WDR25: variants seen among roughly 807,000 people sequenced by gnomAD.
WDR25 encodes the protein WD repeat domain 25.
WDR25 carries 35 observed loss-of-function variants against 47.7 expected under a neutral mutation model. That is an observed-to-expected ratio of 0.73 (90% confidence interval 0.56 to 0.97). WDR25 has a LOEUF of 0.97. Ranked by LOEUF, WDR25 falls within the 50% of genes least tolerant of loss-of-function variation. WDR25 has a pLI of 0.00. For missense variants in WDR25, 634 were observed against 704.7 expected (o/e 0.90, Z 1.14); for synonymous variants, 248 against 278.9 (o/e 0.89, Z 1.10).
chr14:100,452,384 G>A (rs1212700264), intron 2 of WDR25, among the ~76,000 whole-genome samples: 1 of 152,202 alleles, frequency 6.6e-6, no homozygotes, highest in African/African-American at 2.4e-5. Context: ...CAACAAATAA[G>A]CAAATAAATA....
intron 2 of WDR25, among the ~76,000 whole-genome samples, chr14:100,382,980 C>T (rs1275823260): frequency 6.6e-6 from 1 of 152,234 alleles, no homozygotes; most frequent in Non-Finnish European, 1.5e-5. Flanking sequence ...CTTGTTTCCT[C>T]AGAGTTCTGG....
At chr14:100,436,629 G>C (rs1011785674) in intron 2 of WDR25, among the ~76,000 whole-genome samples, 5 of 152,206 alleles carry the variant, frequency 3.3e-5, no homozygotes, top group Non-Finnish European at 5.9e-5. Flanking sequence ...TGAGTCAGGT[G>C]TTCGGTGTCT....
intron 2 of WDR25, among the ~76,000 whole-genome samples, chr14:100,429,276 C>T (rs1478959415): frequency 6.6e-6 from 1 of 152,192 alleles, no homozygotes; most frequent in African/African-American, 2.4e-5. Flanking sequence ...GCAGCAGAGG[C>T]CAGCCTGCCG....
intron 2 of WDR25, among the ~76,000 whole-genome samples, chr14:100,434,347 G>A (rs1898435087): frequency 6.6e-6 from 1 of 152,128 alleles, no homozygotes; most frequent in East Asian, 1.9e-4. Flanking sequence ...AGTGAAACCT[G>A]GCTTCCTGGT....
chr14:100,506,210 C>T lies in WDR25; in HGVS notation c.1102-19660C>T, dbSNP rs964728400. ...ATTAATTTGCTTAGGAAAATGGTCT[C>T]CAACTTCATCCGTGTTGCTGCAAAG... On this transcript the variant is annotated intron_variant, in intron 4 of 6. Transcript: ENST00000402312. This position sits in a 1 kb window ranked among gnomAD's most constrained non-coding sequence, Gnocchi z 4.8. Among the ~76,000 whole-genome samples the T allele has an allele frequency of 1.3e-5, 2 of 152,212 alleles. No individual in the cohort carries two copies. Among genetic ancestry groups the T allele is most frequent in the Non-Finnish European group, 2.9e-5 (2 of 68,038 alleles).
chr14:100,530,011 C>T lies in WDR25; in HGVS notation c.1605C>T (p.Ser535=), dbSNP rs780273967. 3 of 1,612,980 alleles carry T rather than the reference C, an allele frequency of 1.9e-6. No homozygotes were observed. The African/African-American group carries it at 4.0e-5, about 22-fold the overall frequency. ...PVLPSVLATC[S]WGGDMKIWH ...TGCCCTCCGTCCTCGCCACCTGCTC[C>T]TGGGGAGGGGACATGAAGATCTGGC... is the stretch of plus-strand genomic sequence containing the variant. The change falls in exon 7 of 7, where the codon TCC becomes TCT. Residue 535 remains serine, a synonymous_variant. Coordinates refer to ENST00000402312, the MANE Select transcript of WDR25 (RefSeq NM_001161476.3).
At chr14:100,417,632 T>C (rs1274034767) in intron 2 of WDR25, among the ~76,000 whole-genome samples, 4 of 152,208 alleles carry the variant, frequency 2.6e-5, no homozygotes, top group African/African-American at 7.2e-5. Flanking sequence ...ATGGGGGTGC[T>C]AGAGACCGAG....
chr14:100,509,608 C>A (rs748170446), intron 4 of WDR25, among the ~76,000 whole-genome samples: 1 of 152,144 alleles, frequency 6.6e-6, no homozygotes, highest in Non-Finnish European at 1.5e-5. Context: ...ATAAGCTGCA[C>A]ATATTCAAAA....
At chr14:100,497,729 C>T (rs892200628) in intron 4 of WDR25, among the ~76,000 whole-genome samples, 4 of 152,120 alleles carry the variant, frequency 2.6e-5, no homozygotes, top group African/African-American at 9.7e-5. Flanking sequence ...TTGAATTTCC[C>T]TTCTTTTTGG....
At chr14:100,513,913 T>C (rs1239176555) in intron 4 of WDR25, among the ~76,000 whole-genome samples, 1 of 152,010 alleles carries the variant, frequency 6.6e-6, no homozygotes, top group East Asian at 1.9e-4. Flanking sequence ...ATTTTAATTA[T>C]TGTTAGCATG....
At chr14:100,436,152 C>G (rs1412920420) in intron 2 of WDR25, among the ~76,000 whole-genome samples, 1 of 152,192 alleles carries the variant, frequency 6.6e-6, no homozygotes, top group African/African-American at 2.4e-5. Flanking sequence ...ATGTCTGGAG[C>G]TTTGCTAACA....
chr14:100,457,956 A>G lies in WDR25; in HGVS notation c.823-10065A>G, dbSNP rs143052073. On this transcript the variant is annotated intron_variant, in intron 2 of 6. Coordinates refer to ENST00000402312, the MANE Select transcript of WDR25 (RefSeq NM_001161476.3). Reference sequence around the variant, plus strand: ...TATAAGTCTAACAATGGGAGATAAAATAACAAAAGATATTCAATGCAAAAG... The same window carrying G: ...TATAAGTCTAACAATGGGAGATAAAGTAACAAAAGATATTCAATGCAAAAG... Among the ~76,000 whole-genome samples, 686 of 152,334 alleles carry G rather than the reference A, an allele frequency of 4.5e-3. 4 individuals carry two copies. The highest frequency in any genetic ancestry group is 0.016 in the African/African-American group (668 of 41,576).
chr14:100,509,897 A>G (rs955662791), intron 4 of WDR25, among the ~76,000 whole-genome samples: 1 of 152,122 alleles, frequency 6.6e-6, no homozygotes, highest in Non-Finnish European at 1.5e-5. Context: ...CTCTGTGGAA[A>G]TCAATTGGCT....
intron 4 of WDR25, among the ~76,000 whole-genome samples, chr14:100,507,087 G>A (rs1022227483): frequency 1.3e-5 from 2 of 152,160 alleles, no homozygotes; most frequent in Admixed American, 1.3e-4. Flanking sequence ...TTTGTATATG[G>A]TGAAAGGCAG....
At chr14:100,378,392 C>G (rs535188860) in intron 1 of WDR25, among the ~76,000 whole-genome samples, 1 of 152,094 alleles carries the variant, frequency 6.6e-6, no homozygotes, top group African/African-American at 2.4e-5. Context: ...TGGTCTCGAA[C>G]TCGACCTCAG....
At position 100,430,151 on chromosome 14, in the gene WDR25, GGTGTGTGTGTGTGTGT is replaced by G. The variant is rs59318813; in HGVS notation, c.823-37851_823-37836del. Among the ~76,000 whole-genome samples the G allele has an allele frequency of 2.7e-5, 4 of 146,890 alleles. No homozygotes were observed. The East Asian group carries it at 6.0e-4, about 22-fold the overall frequency. On this transcript the variant is annotated intron_variant, in intron 2 of 6. Coordinates refer to ENST00000402312, the MANE Select transcript of WDR25 (RefSeq NM_001161476.3). This position sits in a 1 kb window ranked among gnomAD's most constrained non-coding sequence, Gnocchi z 4.7. Reference sequence around the variant, plus strand: ...CAAATCTTGCAGACCAAGGGGGCCTGGTGTGTGTGTGTGTGTGTGTGTGTGTGTGTGTGTTCCCGGG... The same window carrying G: ...CAAATCTTGCAGACCAAGGGGGCCTGGTGTGTGTGTGTGTGTGTTCCCGGG...
Position 100,468,177 on chromosome 14 carries a change from CT to C in WDR25, c.970+11del. ...AACAGACCTTGAAACAGGTGCGTTT[CT>C]TGTGTCACCTCCCTGAGGTGAGCTG... On this transcript the variant is annotated intron_variant, in intron 3 of 6. Coordinates refer to ENST00000402312, the MANE Select transcript of WDR25 (RefSeq NM_001161476.3). The surrounding 1 kb of genome is among the most constrained non-coding windows in gnomAD (Gnocchi z 4.5). The C allele has an allele frequency of 6.2e-7, 1 of 1,608,904 alleles. No homozygotes were observed. The highest frequency in any genetic ancestry group is 8.5e-7 in the Non-Finnish European group (1 of 1,177,620).
At chr14:100,390,712 C>T (rs982889956) in intron 2 of WDR25, among the ~76,000 whole-genome samples, 6 of 152,070 alleles carry the variant, frequency 3.9e-5, no homozygotes, top group Non-Finnish European at 8.8e-5. Context: ...TCTCACTGTC[C>T]GGCACATCTT....
Position 100,529,787 on chromosome 14 carries a change from C to CGGCT in WDR25, c.1414-32_1414-29dup. On this transcript the variant is annotated intron_variant, in intron 6 of 6. Coordinates refer to ENST00000402312, the MANE Select transcript of WDR25 (RefSeq NM_001161476.3). This position sits in a 1 kb window ranked among gnomAD's most constrained non-coding sequence, Gnocchi z 5.1. ...CATACTCACCCCGGCTTGACAGGTG[C>CGGCT]GGCTTGCTCACCCACTGTGTCCCTC... 1.3e-6 allele frequency: 2 copies of CGGCT among 1,597,916 alleles called. No individual in the cohort carries two copies. The highest frequency in any genetic ancestry group is 2.2e-5 in the South Asian group (2 of 89,528).
Sources: allele counts gnomAD v4.1 joint callset (sites outside exome capture counted in the v4.1 genomes callset), GRCh38; gene constraint gnomAD v4.1.1; non-coding constraint Gnocchi (gnomAD v3.1); transcripts MANE v1.5; gene names NCBI Gene and HGNC (gene_info 2026-07-23, HGNC 2026-07-21).